The following CYLC2 variants were observed in gnomAD, a reference collection of about 807,000 sequenced individuals.
CYLC2 encodes cylicin 2.
A neutral mutation model predicts 26.1 loss-of-function variants in CYLC2; 30 were observed. The observed-to-expected ratio is 1.15, with a 90% CI of 0.86 to 1.56. CYLC2 has a LOEUF of 1.56. CYLC2 is among the 40% of genes most tolerant of loss of function. The pLI, the probability that CYLC2 is intolerant of heterozygous loss-of-function variation, is 0.00. For synonymous variants in CYLC2, 158 were observed against 132.8 expected (o/e 1.19, Z -1.31); for missense variants, 498 against 394.4 (o/e 1.26, Z -2.23).
intron 4 of CYLC2, 42 bp from the exon 5 acceptor site, chr9:103,004,927 G>T (rs1301410733): frequency 6.4e-7 from 1 of 1,573,746 alleles, no homozygotes; most frequent in Non-Finnish European, 8.6e-7. Context: ...TATCAAGTTT[G>T]GATTTTCCCA....
intron 5 of CYLC2, among the ~76,000 whole-genome samples, chr9:103,009,080 T>A (rs1829380123): frequency 1.3e-5 from 2 of 152,204 alleles, no homozygotes; most frequent in Non-Finnish European, 2.9e-5. Context: ...ACATGTAACC[T>A]TACAATATTA....
Position 103,006,359 on chromosome 9 carries a change from A to G in CYLC2, c.*681A>G, listed in dbSNP as rs191239255. The G allele has an allele frequency of 3.9e-5, 6 of 152,200 alleles. No individual in the cohort carries two copies. The highest frequency in any genetic ancestry group is 5.9e-5 in the Non-Finnish European group (4 of 68,028). The allele number at this position is 152,200 out of a possible 1,614,324, so 9.4% of individuals were successfully genotyped here. On this transcript the variant is annotated 3_prime_UTR_variant, in exon 5 of 8. Coordinates refer to ENST00000374798, the MANE Select transcript of CYLC2 (RefSeq NM_001340.5). ...ATGGTTGTTGGATGTGCCACTTCCA[A>G]TCCAAAAGAAGCACACTTGGTAAGT...
intron 1 of CYLC2, among the ~76,000 whole-genome samples, chr9:102,998,555 C>G (rs1829259114): frequency 6.6e-6 from 1 of 151,950 alleles, no homozygotes; most frequent in Admixed American, 6.6e-5. Flanking sequence ...TCCAAAAGAT[C>G]AAATTGCTTT....
rs1183678296 is a variant in CYLC2, at chr9:103,014,424, A to AACATAATGTATATTACATAATAT, written c.*816+2344_*816+2366dup. Among the ~76,000 whole-genome samples, 9 of 96,356 alleles carry AACATAATGTATATTACATAATAT rather than the reference A, an allele frequency of 9.3e-5. 1 individual carries two copies. The highest frequency in any genetic ancestry group is 6.0e-4 in the Admixed American group (5 of 8,350). 63.2% of individuals were successfully genotyped at this position (96,356 alleles called of 152,430 possible). Reference sequence around the variant, plus strand: ...TGTATGTTACGTAATGTAACATAATAACATAATGTATATTACATAATATAC... The same window carrying AACATAATGTATATTACATAATAT: ...TGTATGTTACGTAATGTAACATAATAACATAATGTATATTACATAATATACATAATGTATATTACATAATATAC... On this transcript the variant is annotated intron_variant, in intron 6 of 7. Transcript: ENST00000374798.
rs1429151609 is a variant in CYLC2 at position 103,005,369 on chromosome 9, T to TG, written c.740dup (p.Asp250ArgfsTer6). The TG allele has an allele frequency of 4.3e-6, 7 of 1,612,524 alleles. No individual in the cohort carries two copies. The highest frequency in any genetic ancestry group is 5.1e-6 in the Non-Finnish European group (6 of 1,179,654). ...AAGCAGATGAAAAGAAGGATGAGGA[T>TG]GGAAAAAAAGATGCAAACAAAGGTG... On this transcript the variant is annotated frameshift_variant, in exon 5 of 8. Coordinates refer to ENST00000374798, the MANE Select transcript of CYLC2 (RefSeq NM_001340.5). LOFTEE classifies it low-confidence loss of function (END_TRUNC).
rs759679646 is a variant in CYLC2, at chr9:102,995,433, A to G, written c.17+36A>G. ...TTTTATGTTTTAAAATAACTGAAATACTCGTTAGCTTTACATTTAACTTCT... is the reference window on the plus strand; with the variant it reads ...TTTTATGTTTTAAAATAACTGAAATGCTCGTTAGCTTTACATTTAACTTCT... On this transcript the variant is annotated intron_variant, in intron 1 of 7. Transcript: ENST00000374798. 37 of 1,494,572 alleles carry G rather than the reference A, an allele frequency of 2.5e-5. No individual in the cohort carries two copies. In the East Asian group the frequency reaches 8.4e-4, roughly 34 times the overall value. The allele number at this position is 1,494,572 out of a possible 1,614,324, so 92.6% of individuals were successfully genotyped here.
chr9:103,001,456 A>T (rs755608649), intron 1 of CYLC2, 122 bp from the exon 2 acceptor site: 50 of 653,650 alleles, frequency 7.6e-5, no homozygotes, highest in Non-Finnish European at 1.2e-4. Context: ...ATAACAAAAG[A>T]TATCTGAGAT....
At chr9:103,014,753 C>CCTAAT (rs1554713818) in intron 6 of CYLC2, among the ~76,000 whole-genome samples, 41 of 26,082 alleles carry the variant, frequency 1.6e-3, no homozygotes, top group South Asian at 3.3e-3. Context: ...ATGCAATATA[C>CCTAAT]ATATGTAATA....
chr9:103,013,508 G>C (rs1829441923), intron 6 of CYLC2, among the ~76,000 whole-genome samples: 1 of 107,788 alleles, frequency 9.3e-6, no homozygotes, highest in South Asian at 3.0e-4. Flanking sequence ...TATTATATTT[G>C]TAAGAAATAA....
At chr9:102,996,644 A>G (rs2118218009) in intron 1 of CYLC2, among the ~76,000 whole-genome samples, 1 of 152,134 alleles carries the variant, frequency 6.6e-6, no homozygotes, top group East Asian at 1.9e-4. Flanking sequence ...TAAGATGCAG[A>G]AAATTAATTT....
chr9:103,013,794 T>G (rs1284155245), intron 6 of CYLC2, among the ~76,000 whole-genome samples: 2 of 111,168 alleles, frequency 1.8e-5, no homozygotes, highest in African/African-American at 3.7e-5. Context: ...TGATTATATT[T>G]TATATTATAT....
chr9:103,013,386 AT>A (rs1829439556), intron 6 of CYLC2, among the ~76,000 whole-genome samples: 1 of 107,582 alleles, frequency 9.3e-6, no homozygotes, highest in Admixed American at 1.3e-4. Context: ...TATTATATAA[AT>A]ATATATTATA....
At position 103,006,683 on chromosome 9, in the gene CYLC2, G is replaced by T. The variant is rs572907503; in HGVS notation, c.*700+305G>T. Among the ~76,000 whole-genome samples, 8 of 152,000 alleles carry T rather than the reference G, an allele frequency of 5.3e-5. No homozygotes were observed. The South Asian group carries it at 1.7e-3, about 32-fold the overall frequency. ...CCCGTCTCGGCCTCCCAAAGTGCTG[G>T]GATTACAGGCGTGAGCCACCGCGCC... On this transcript the variant is annotated intron_variant, in intron 5 of 7. Coordinates refer to ENST00000374798, the MANE Select transcript of CYLC2 (RefSeq NM_001340.5).
At chr9:103,013,685 T>C (rs1829445729) in intron 6 of CYLC2, among the ~76,000 whole-genome samples, 1 of 111,960 alleles carries the variant, frequency 8.9e-6, no homozygotes. Flanking sequence ...ATATATGATA[T>C]ATAATATATC....
At chr9:103,000,064 AT>A (rs1275926760) in intron 1 of CYLC2, among the ~76,000 whole-genome samples, 2 of 151,742 alleles carry the variant, frequency 1.3e-5, no homozygotes, top group Non-Finnish European at 3.0e-5. Context: ...GATTTTAAAC[AT>A]TTTTTATAAT....
intron 1 of CYLC2, among the ~76,000 whole-genome samples, chr9:102,996,685 T>C (rs1035314807): frequency 1.6e-4 from 24 of 152,006 alleles, no homozygotes; most frequent in African/African-American, 5.1e-4. Context: ...ACTGAATTCT[T>C]CTAAGGATGG....
In CYLC2 at chr9:102,995,659, A is replaced by AT. The variant is rs200000336; in HGVS notation, c.17+269dup. Among the ~76,000 whole-genome samples, 976 of 151,892 alleles carry AT rather than the reference A, an allele frequency of 6.4e-3. 62 individuals are homozygous for AT. In the East Asian group the frequency reaches 0.16, roughly 24 times the overall value. ...GTTTTTTTACTGCTAGTCTTACTTG[A>AT]TTTTTTTATCACATTGCATTTTGAG... is the stretch of plus-strand genomic sequence containing the variant. On this transcript the variant is annotated intron_variant, in intron 1 of 7. Transcript: ENST00000374798.
intron 5 of CYLC2, among the ~76,000 whole-genome samples, chr9:103,006,961 T>C (rs1829358682): frequency 6.6e-6 from 1 of 152,102 alleles, no homozygotes; most frequent in African/African-American, 2.4e-5. Flanking sequence ...GATGCTTATG[T>C]CAATTAGCAA....
intron 1 of CYLC2, 105 bp downstream of exon 1, chr9:102,995,502 T>G: frequency 1.2e-6 from 1 of 859,544 alleles, no homozygotes; most frequent in Non-Finnish European, 1.9e-6. Flanking sequence ...ATGCCATTCA[T>G]AAGCAAAAGA....
Sources: gnomAD v4.1 joint callset for allele counts (sites outside exome capture counted in the v4.1 genomes callset) on GRCh38, gnomAD v4.1.1 for gene constraint, MANE v1.5 for transcripts, NCBI Gene and HGNC (gene_info 2026-07-23, HGNC 2026-07-21) for gene names.